The following PCYT1B variants were observed in gnomAD, a reference collection of about 807,000 sequenced individuals.
PCYT1B encodes the protein choline-phosphate cytidylyltransferase B.
Under a neutral mutation model 26.4 loss-of-function variants are expected in PCYT1B, and 10 were observed. The observed-to-expected ratio is 0.38, with a 90% confidence interval of 0.23 to 0.64. The LOEUF (loss-of-function observed/expected upper bound fraction) is 0.64. Among genes scored for constraint, PCYT1B ranks in the 30% least tolerant of loss-of-function variants. PCYT1B has a pLI of 0.56. For synonymous variants in PCYT1B, 131 were observed against 108.4 expected (o/e 1.21, Z -1.29); for missense variants, 161 against 292.7 (o/e 0.55, Z 3.28).
At chrX:24,615,523 G>A (rs1030636649) in intron 2 of PCYT1B, among the ~76,000 whole-genome samples, 1 of 108,183 alleles carries the variant, frequency 9.2e-6, no homozygotes, top group Non-Finnish European at 1.9e-5. Flanking sequence ...GGAGTGCAGC[G>A]GCTCGATCTC....
rs779885593 is a variant in PCYT1B at position 24,563,196 on chromosome X, C to T, written c.898-691G>A. The stretch of plus-strand genomic sequence containing the variant: ...CTCACAGATATGAGGAGGAATCACA[C>T]AATAAACAAAATATGGTATGTCAGA... On this transcript the variant is annotated intron_variant, in intron 7 of 7. Transcript: ENST00000379144. 1.3e-4 allele frequency among the ~76,000 whole-genome samples: 14 copies of T among 111,675 alleles called. No homozygotes were observed. The East Asian group carries it at 3.9e-3, about 31-fold the overall frequency.
In PCYT1B at chrX:24,614,537, T is replaced by C. The variant is rs754472136; in HGVS notation, c.217+4448A>G. On this transcript the variant is annotated intron_variant, in intron 2 of 7. Coordinates refer to ENST00000379144, the MANE Select transcript of PCYT1B (RefSeq NM_004845.5). ...ATGGCGAAACCAGCTCCACTAAAAATACAAAAGAAAAACAAACAAAAAACT... is the reference window on the plus strand; with the variant it reads ...ATGGCGAAACCAGCTCCACTAAAAACACAAAAGAAAAACAAACAAAAAACT... Among the ~76,000 whole-genome samples the C allele has an allele frequency of 2.7e-5, 3 of 111,351 alleles. No homozygotes were observed. The South Asian group carries it at 1.1e-3, about 42-fold the overall frequency.
chrX:24,588,060 C>A (rs1569241222), intron 4 of PCYT1B, among the ~76,000 whole-genome samples: 4 of 112,371 alleles, frequency 3.6e-5, no homozygotes, highest in African/African-American at 9.7e-5. Context: ...TCCAATGGCA[C>A]TTTTATTTTA....
rs184855620 is a variant in PCYT1B at position 24,594,489 on chromosome X, G to A, written c.335-4315C>T. Among the ~76,000 whole-genome samples, 140 of 111,276 alleles carry A rather than the reference G, an allele frequency of 1.3e-3. 1 individual carries two copies. Among genetic ancestry groups the A allele is most frequent in the African/African-American group, 4.3e-3 (133 of 30,651 alleles). ...ATTTTAAACAGCACAAAACTAGGCC[G>A]TGCCACATCCTCCCCCTTTCTGAAT... On this transcript the variant is annotated intron_variant, in intron 3 of 7. Transcript: ENST00000379144.
chrX:24,670,887 A>G (rs1190942321), intron 1 of PCYT1B, among the ~76,000 whole-genome samples: 1 of 111,522 alleles, frequency 9.0e-6, no homozygotes, highest in East Asian at 2.8e-4. Context: ...ACGGAGTGAT[A>G]TTTGCACAGA....
At chrX:24,619,164 T>C (rs1354781207) in intron 1 of PCYT1B, 80 bp from the exon 2 acceptor site, 1 of 668,798 alleles carries the variant, frequency 1.5e-6, no homozygotes, top group Non-Finnish European at 2.5e-6. Flanking sequence ...TTTATTCCTG[T>C]TGGCTACACA....
intron 3 of PCYT1B, among the ~76,000 whole-genome samples, chrX:24,595,782 G>A (rs953549158): frequency 2.7e-5 from 3 of 109,633 alleles, no homozygotes; most frequent in African/African-American, 6.7e-5. Context: ...TCAGGAGGCT[G>A]AGGCAGGAGA....
In PCYT1B at chrX:24,639,630, A is replaced by G. The variant is rs1926401681; in HGVS notation, c.117+7359T>C. On this transcript the variant is annotated intron_variant, in intron 1 of 7. Coordinates refer to ENST00000379144, the MANE Select transcript of PCYT1B (RefSeq NM_004845.5). Reference sequence around the variant, plus strand: ...ACTACCCAGGATATACCAGAATTATAGTTCCGTACTAGCCAGAAATAAGCC... The same window carrying G: ...ACTACCCAGGATATACCAGAATTATGGTTCCGTACTAGCCAGAAATAAGCC... Among the ~76,000 whole-genome samples, 5 of 112,003 alleles carry G rather than the reference A, an allele frequency of 4.5e-5. No homozygotes were observed. The South Asian group carries it at 1.9e-3, about 42-fold the overall frequency.
At chrX:24,610,515 G>A (rs961129151) in intron 2 of PCYT1B, among the ~76,000 whole-genome samples, 8 of 111,946 alleles carry the variant, frequency 7.1e-5, no homozygotes, top group African/African-American at 2.6e-4. Context: ...TTCAATTGAG[G>A]AAAATTTGTT....
chrX:24,637,479 TAAA>T (rs1201643219), intron 1 of PCYT1B, among the ~76,000 whole-genome samples: 11 of 59,453 alleles, frequency 1.9e-4, no homozygotes, highest in African/African-American at 9.2e-4. Flanking sequence ...CCATCTCTAC[TAAA>T]AAAAAAAAAA....
At chrX:24,588,806 C>T (rs907098415) in intron 4 of PCYT1B, among the ~76,000 whole-genome samples, 2 of 111,517 alleles carry the variant, frequency 1.8e-5, no homozygotes, top group Admixed American at 9.5e-5. Context: ...TCAGGGCAAA[C>T]TCACCCCAGT....
chrX:24,563,718 C>T (rs184966357), intron 7 of PCYT1B, among the ~76,000 whole-genome samples: 3 of 111,437 alleles, frequency 2.7e-5, no homozygotes, highest in African/African-American at 6.5e-5. Context: ...ACATATCAGG[C>T]GGCAGTTTCA....
intron 1 of PCYT1B, among the ~76,000 whole-genome samples, chrX:24,643,914 A>G (rs750266792): frequency 9.0e-6 from 1 of 111,718 alleles, no homozygotes; most frequent in Non-Finnish European, 1.9e-5. Context: ...TAGTTAAGCA[A>G]CTCAGTAGCC....
chrX:24,568,349 AT>A (rs1314132311), intron 7 of PCYT1B, among the ~76,000 whole-genome samples: 1 of 111,426 alleles, frequency 9.0e-6, no homozygotes, highest in Non-Finnish European at 1.9e-5. Context: ...CCTGGGCAAC[AT>A]AGTGTGAGAC....
chrX:24,637,501 T>A lies in PCYT1B; in HGVS notation c.117+9488A>T, dbSNP rs1288703739. Among the ~76,000 whole-genome samples the A allele has an allele frequency of 5.3e-5, 4 of 75,818 alleles. 1 individual carries two copies. Among genetic ancestry groups the A allele is most frequent in the African/African-American group, 3.0e-4 (4 of 13,339 alleles). The allele number at this position is 75,818 out of a possible 115,157, so 65.8% of individuals were successfully genotyped here. Reference sequence around the variant, plus strand: ...TACTAAAAAAAAAAAAATATATATATATATATATATAAATTAGCTGAGCGT... The same window carrying A: ...TACTAAAAAAAAAAAAATATATATAAATATATATATAAATTAGCTGAGCGT... On this transcript the variant is annotated intron_variant, in intron 1 of 7. Coordinates refer to ENST00000379144, the MANE Select transcript of PCYT1B (RefSeq NM_004845.5).
chrX:24,619,201 C>A, intron 1 of PCYT1B, 117 bp from the exon 2 acceptor site: 2 of 530,440 alleles, frequency 3.8e-6, no homozygotes, highest in South Asian at 2.6e-5. Context: ...CAAATATATC[C>A]ACTGAGTCTC....
chrX:24,614,581 A>C (rs1253976703), intron 2 of PCYT1B, among the ~76,000 whole-genome samples: 1 of 112,002 alleles, frequency 8.9e-6, no homozygotes, highest in African/African-American at 3.2e-5. Flanking sequence ...GAAGAGCATT[A>C]TCAAATACCA....
chrX:24,608,086 C>T (rs1049935007), intron 2 of PCYT1B, among the ~76,000 whole-genome samples: 1 of 111,668 alleles, frequency 9.0e-6, no homozygotes, highest in African/African-American at 3.3e-5. Flanking sequence ...TTTTAGCCAA[C>T]AGAAGAGACA....
rs1416247264 is a variant in PCYT1B at position 24,597,090 on chromosome X, A to ACC, written c.335-6918_335-6917dup. ...GGTCTCCTTAAACTACGATACATAT[A>ACC]CCCTCATGGACACACACAGACTTTT... On this transcript the variant is annotated intron_variant, in intron 3 of 7. Coordinates refer to ENST00000379144, the MANE Select transcript of PCYT1B (RefSeq NM_004845.5). Among the ~76,000 whole-genome samples, 4 of 108,710 alleles carry ACC rather than the reference A, an allele frequency of 3.7e-5. No individual in the cohort carries two copies. The Admixed American group carries it at 3.9e-4, about 11-fold the overall frequency. The allele number at this position is 108,710 out of a possible 115,157, so 94.4% of individuals were successfully genotyped here. A position where few individuals can be genotyped will look rare whatever the true frequency, so the allele number is the denominator to read the frequency against.
Sources: allele counts gnomAD v4.1 joint callset (sites outside exome capture counted in the v4.1 genomes callset), GRCh38; gene constraint gnomAD v4.1.1; transcripts MANE v1.5; gene names NCBI Gene and HGNC (gene_info 2026-07-23, HGNC 2026-07-21).